Variants in APBB2 observed in about 807,000 individuals in gnomAD.
APBB2 encodes the protein Fe65-like 1.
APBB2 carries 38 observed loss-of-function variants against 82.5 expected under a neutral mutation model. The observed-to-expected ratio is 0.46, with a 90% CI of 0.36 to 0.60. APBB2 has a LOEUF of 0.60. Among genes scored for constraint, APBB2 ranks in the 20% least tolerant of loss-of-function variants. The pLI is 0.00. For missense variants in APBB2, 772 were observed against 972.3 expected (o/e 0.79, Z 2.74); for synonymous variants, 341 against 368.2 (o/e 0.93, Z 0.85).
At chr4:41,214,317 A>T (rs1229156740) in intron 1 of APBB2, 88 bp downstream of exon 1, 1 of 152,274 alleles carries the variant, frequency 6.6e-6, no homozygotes, top group African/African-American at 2.4e-5. Flanking sequence ...CGCTCGCCGC[A>T]CGCTGCTGCC....
intron 3 of APBB2, among the ~76,000 whole-genome samples, chr4:41,069,410 G>A (rs1019401940): frequency 1.3e-5 from 2 of 152,178 alleles, no homozygotes; most frequent in Non-Finnish European, 2.9e-5. Flanking sequence ...GAAACCCGAT[G>A]CGATGGAAAA....
At chr4:40,958,622 T>C (rs749013347) in intron 6 of APBB2, among the ~76,000 whole-genome samples, 9 of 152,190 alleles carry the variant, frequency 5.9e-5, no homozygotes, top group Non-Finnish European at 1.0e-4. Context: ...TCTTCCTTTT[T>C]TGAGACAGGG....
intron 12 of APBB2, among the ~76,000 whole-genome samples, chr4:40,835,782 G>C (rs151071866): frequency 2.6e-5 from 4 of 152,202 alleles, no homozygotes; most frequent in Admixed American, 2.6e-4. Flanking sequence ...GTGGTCCAGC[G>C]CAGGGGGATG....
chr4:41,181,401 G>A (rs1372040179), intron 1 of APBB2, among the ~76,000 whole-genome samples: 4 of 152,198 alleles, frequency 2.6e-5, no homozygotes, highest in East Asian at 1.9e-4. Context: ...TTTAAGACAC[G>A]TGAAAGAAGA....
At chr4:41,019,962 G>C (rs1156504633) in intron 5 of APBB2, among the ~76,000 whole-genome samples, 1 of 151,450 alleles carries the variant, frequency 6.6e-6, no homozygotes, top group African/African-American at 2.4e-5. Context: ...CGAAGAGAGA[G>C]GAGGGAAAGA....
At chr4:41,111,433 T>A (rs1224855405) in intron 2 of APBB2, among the ~76,000 whole-genome samples, 2 of 152,240 alleles carry the variant, frequency 1.3e-5, no homozygotes, top group Non-Finnish European at 1.5e-5. Flanking sequence ...ATGCTGCTGA[T>A]CCACAGAACA....
intron 4 of APBB2, among the ~76,000 whole-genome samples, chr4:41,050,566 G>A (rs908006913): frequency 1.1e-4 from 17 of 152,216 alleles, no homozygotes; most frequent in Admixed American, 7.8e-4. Flanking sequence ...AATTCCACAC[G>A]TCACCTGCAA....
intron 4 of APBB2, among the ~76,000 whole-genome samples, chr4:41,052,411 T>C (rs7696960): frequency 0.09 from 13,657 of 152,130 alleles, 2,021 homozygotes; most frequent in African/African-American, 0.31. Context: ...TATACTGAAG[T>C]TACTGAACAT....
chr4:40,948,890 C>CAAAAAAAAAAAAAAAA (rs59172492), intron 6 of APBB2, among the ~76,000 whole-genome samples: 36 of 101,570 alleles, frequency 3.5e-4, no homozygotes, highest in African/African-American at 1.3e-3. Flanking sequence ...ATCCTGTCTC[C>CAAAAAAAAAAAAAAAA]AAAAAAAAAA....
At chr4:41,002,469 G>GT (rs1292606835) in intron 6 of APBB2, among the ~76,000 whole-genome samples, 1 of 152,200 alleles carries the variant, frequency 6.6e-6, no homozygotes, top group Non-Finnish European at 1.5e-5. Flanking sequence ...GTATGCAGCT[G>GT]TAACAGGCAA....
intron 12 of APBB2, among the ~76,000 whole-genome samples, chr4:40,870,726 TAC>T (rs1765259238): frequency 6.6e-6 from 1 of 150,466 alleles, no homozygotes; most frequent in Non-Finnish European, 1.5e-5. Context: ...TGTGTGTGTA[TAC>T]ACACTCTTTT....
intron 6 of APBB2, among the ~76,000 whole-genome samples, chr4:40,978,820 C>T (rs150757427): frequency 8.0e-4 from 121 of 152,110 alleles, no homozygotes; most frequent in African/African-American, 2.7e-3. Context: ...AATTCGTATA[C>T]ACATTAGATG....
At chr4:40,878,295 C>G (rs1206968153) in intron 12 of APBB2, among the ~76,000 whole-genome samples, 2 of 152,118 alleles carry the variant, frequency 1.3e-5, no homozygotes, top group Non-Finnish European at 2.9e-5. Context: ...GAGTTGACAT[C>G]TTGCCACTGC....
At chr4:40,982,640 A>C (rs1176053226) in intron 6 of APBB2, among the ~76,000 whole-genome samples, 1 of 151,800 alleles carries the variant, frequency 6.6e-6, no homozygotes, top group Non-Finnish European at 1.5e-5. Flanking sequence ...TCTACCAAAA[A>C]CACAAAAATT....
intron 1 of APBB2, among the ~76,000 whole-genome samples, chr4:41,188,729 C>T (rs796264886): frequency 2.0e-5 from 3 of 152,216 alleles, no homozygotes; most frequent in African/African-American, 7.2e-5. Flanking sequence ...AGGTAAGGAA[C>T]AAAGGCAGTT....
intron 6 of APBB2, among the ~76,000 whole-genome samples, chr4:40,972,532 A>G (rs984132733): frequency 7.9e-5 from 12 of 152,234 alleles, no homozygotes; most frequent in African/African-American, 2.9e-4. Flanking sequence ...TAATTTTCAG[A>G]AACTCCTAAA....
chr4:40,963,808 T>C (rs1013467677), intron 6 of APBB2, among the ~76,000 whole-genome samples: 6 of 152,360 alleles, frequency 3.9e-5, no homozygotes, highest in African/African-American at 1.4e-4. Context: ...CTGTTTGTGC[T>C]TTCTTCCTCA....
chr4:40,829,213 T>G (rs755748952), intron 13 of APBB2, among the ~76,000 whole-genome samples: 2 of 152,136 alleles, frequency 1.3e-5, no homozygotes, highest in Admixed American at 6.5e-5. Flanking sequence ...AGTGTGTCCT[T>G]GGCGGTCAAA....
intron 7 of APBB2, among the ~76,000 whole-genome samples, chr4:40,938,507 A>T (rs185119633): frequency 7.2e-5 from 11 of 152,350 alleles, no homozygotes; most frequent in African/African-American, 2.6e-4. Flanking sequence ...TCCACATAGC[A>T]AACAAAAATG....
Sources: allele counts gnomAD v4.1 joint callset (sites outside exome capture counted in the v4.1 genomes callset), GRCh38; gene constraint gnomAD v4.1.1; transcripts MANE v1.5; gene names NCBI Gene and HGNC (gene_info 2026-07-23, HGNC 2026-07-21).